YAE1: variants seen among roughly 807,000 people sequenced by gnomAD.
YAE1 encodes YAE1 maturation factor of ABCE1, also known as protein YAE1 homolog.
YAE1 carries 22 observed loss-of-function variants against 23.0 expected under a neutral mutation model. That is an observed-to-expected ratio of 0.96 (90% confidence interval 0.68 to 1.37). YAE1 has a LOEUF of 1.37. Ranked by LOEUF, YAE1 falls within the 40% of genes most tolerant of loss-of-function variation. The pLI, the probability that YAE1 is intolerant of heterozygous loss-of-function variation, is 0.00. For synonymous variants in YAE1, 101 were observed against 97.0 expected (o/e 1.04, Z -0.24); for missense variants, 260 against 262.1 (o/e 0.99, Z 0.06).
At chr7:39,585,251 T>G (rs1371106125) in intron 2 of YAE1, among the ~76,000 whole-genome samples, 1 of 152,228 alleles carries the variant, frequency 6.6e-6, no homozygotes, top group Non-Finnish European at 1.5e-5. Context: ...CCATATTTTA[T>G]GGACTGAATT....
chr7:39,609,728 G>A, exon 3 of YAE1: 1 of 1,535,548 alleles, frequency 6.5e-7, no homozygotes, highest in Non-Finnish European at 8.7e-7. Flanking sequence ...TGGCGAGCGG[G>A]GCGACACCGA....
chr7:39,580,117 A>G (rs1790719531), intron 2 of YAE1, among the ~76,000 whole-genome samples: 1 of 152,240 alleles, frequency 6.6e-6, no homozygotes, highest in South Asian at 2.1e-4. Flanking sequence ...TTTGCTATAC[A>G]TGTAGAAAAA....
downstream of YAE1, chr7:39,572,985 CTCAT>C (rs1258536134): frequency 2.6e-6 from 2 of 757,424 alleles, no homozygotes; most frequent in African/African-American, 3.7e-5. Flanking sequence ...TGTTTTCAGA[CTCAT>C]TAGCAAAAGT....
chr7:39,574,738 A>C, downstream of YAE1, among the ~76,000 whole-genome samples: 1 of 129,206 alleles, frequency 7.7e-6, no homozygotes, highest in African/African-American at 4.0e-5. Context: ...GTCTCCAAAA[A>C]AAAAAAAAAA....
intron 2 of YAE1, among the ~76,000 whole-genome samples, chr7:39,571,579 T>G (rs1236760420): frequency 6.6e-6 from 1 of 152,194 alleles, no homozygotes; most frequent in African/African-American, 2.4e-5. Flanking sequence ...ATGTGAATAT[T>G]CACATCATCA....
chr7:39,596,526 C>G (rs972772439), intron 2 of YAE1, among the ~76,000 whole-genome samples: 3 of 152,168 alleles, frequency 2.0e-5, no homozygotes, highest in African/African-American at 7.2e-5. Context: ...CATGAGCCAC[C>G]ATGCCCGGCT....
intron 2 of YAE1, among the ~76,000 whole-genome samples, chr7:39,598,634 G>A (rs916185498): frequency 2.6e-5 from 4 of 151,378 alleles, no homozygotes; most frequent in Non-Finnish European, 4.4e-5. Flanking sequence ...AAAATTAGCC[G>A]GGTGTGGTGG....
chr7:39,591,304 C>T (rs17171606), intron 2 of YAE1, among the ~76,000 whole-genome samples: 17,288 of 152,108 alleles, frequency 0.11, 2,438 homozygotes, highest in African/African-American at 0.33. Context: ...AACCACCTCA[C>T]TTGAAATTTT....
intron 1 of YAE1, chr7:39,570,079 T>G: frequency 8.4e-7 from 1 of 1,186,254 alleles, no homozygotes; most frequent in Non-Finnish European, 1.2e-6. Flanking sequence ...CCAGCAGCTC[T>G]CTCCAGTTCT....
At chr7:39,584,927 G>A (rs971816106) in intron 2 of YAE1, among the ~76,000 whole-genome samples, 2 of 152,144 alleles carry the variant, frequency 1.3e-5, no homozygotes, top group African/African-American at 4.8e-5. Context: ...CCTCCACTTA[G>A]CAGCCTCCAC....
downstream of YAE1, among the ~76,000 whole-genome samples, chr7:39,574,061 A>G (rs1183956615): frequency 1.3e-5 from 2 of 152,234 alleles, no homozygotes; most frequent in East Asian, 3.8e-4. Flanking sequence ...GTGCATATAC[A>G]TATGAAATAC....
At chr7:39,586,508 CT>C (rs376040687) in intron 2 of YAE1, among the ~76,000 whole-genome samples, 68 of 135,634 alleles carry the variant, frequency 5.0e-4, no homozygotes, top group Non-Finnish European at 7.3e-4. Flanking sequence ...TTCTTTCTTT[CT>C]TTTTTTTTTA....
intron 2 of YAE1, among the ~76,000 whole-genome samples, chr7:39,578,414 A>C (rs1790689649): frequency 6.6e-6 from 1 of 152,224 alleles, no homozygotes; most frequent in African/African-American, 2.4e-5. Flanking sequence ...CCAAGGGTCT[A>C]GTTCCATGTT....
intron 2 of YAE1, among the ~76,000 whole-genome samples, chr7:39,593,309 C>A (rs112173104): frequency 5.3e-5 from 8 of 149,814 alleles, no homozygotes; most frequent in African/African-American, 2.0e-4. Flanking sequence ...CTCAGCCTTC[C>A]GAGTAGCTGG....
At position 39,572,323 on chromosome 7, in the gene YAE1, A is replaced by T. The variant is rs148825003; in HGVS notation, c.298A>T (p.Ile100Phe). The change falls in exon 3 of 3, where the codon ATC becomes TTC. Residue 100 changes from isoleucine to phenylalanine, a missense_variant. By Grantham distance (21) the Ile-to-Phe change is conservative (BLOSUM62 0). Coordinates refer to ENST00000223273, the MANE Select transcript of YAE1 (RefSeq NM_020192.5). Reference sequence around the variant, plus strand: ...CCTTCATAATAATAATTCAACTTTGATCAATAAAATAAACAATCTTCTGGA... The same window carrying T: ...CCTTCATAATAATAATTCAACTTTGTTCAATAAAATAAACAATCTTCTGGA... ...CHLHNNNSTL[I>F]NKINNLLDAV... 5 of 1,613,870 alleles carry T rather than the reference A, an allele frequency of 3.1e-6. No individual in the cohort carries two copies. The highest frequency in any genetic ancestry group is 3.3e-5 in the Admixed American group (2 of 59,996).
intron 2 of YAE1, among the ~76,000 whole-genome samples, chr7:39,592,592 G>A (rs1239352982): frequency 1.3e-5 from 2 of 152,062 alleles, no homozygotes; most frequent in Admixed American, 1.3e-4. Context: ...ACAAGTTGAA[G>A]CATCATATGT....
chr7:39,568,944 A>G (rs1790521134), intron 1 of YAE1, among the ~76,000 whole-genome samples: 3 of 152,240 alleles, frequency 2.0e-5, no homozygotes. Context: ...TTCTTGAGAC[A>G]GTGGGCAAAG....
intron 2 of YAE1, among the ~76,000 whole-genome samples, chr7:39,581,755 C>G (rs1790745739): frequency 6.6e-6 from 1 of 151,792 alleles, no homozygotes; most frequent in Admixed American, 6.6e-5. Flanking sequence ...CCTATGGTCC[C>G]AACTACTTGG....
chr7:39,584,168 T>A (rs911326080), intron 2 of YAE1, among the ~76,000 whole-genome samples: 2 of 151,980 alleles, frequency 1.3e-5, no homozygotes, highest in African/African-American at 4.8e-5. Context: ...AAAAGAAAAC[T>A]AAGGAAGGAG....
Sources: allele counts gnomAD v4.1 joint callset (sites outside exome capture counted in the v4.1 genomes callset), GRCh38; gene constraint gnomAD v4.1.1; transcripts MANE v1.5; gene names NCBI Gene and HGNC (gene_info 2026-07-23, HGNC 2026-07-21).